The following SEPTIN7 variants were observed in gnomAD, a reference collection of about 807,000 sequenced individuals.
The protein encoded by SEPTIN7 is septin-7.
Under a neutral mutation model 63.3 loss-of-function variants are expected in SEPTIN7, and 10 were observed. The observed-to-expected ratio is 0.16, with a 90% CI of 0.10 to 0.27. SEPTIN7 has a LOEUF of 0.27. Among genes scored for constraint, SEPTIN7 ranks in the 10% least tolerant of loss-of-function variants. The pLI is 1.00. For synonymous variants in SEPTIN7, 131 were observed against 165.3 expected (o/e 0.79, Z 1.59); for missense variants, 310 against 521.0 (o/e 0.59, Z 3.94).
Position 35,904,221 on chromosome 7 carries a change from A to G in SEPTIN7, c.1275-33A>G, listed in dbSNP as rs774427943. On this transcript the variant is annotated intron_variant, in intron 13 of 13. Coordinates refer to ENST00000350320, the MANE Select transcript of SEPTIN7 (RefSeq NM_001788.6). ...TGTCTATCATGTTTATAAAATGGTT[A>G]CTCATCTTGCTTATTTTCCTTTTAT... 6.7e-6 allele frequency: 10 copies of G among 1,490,052 alleles called. No individual in the cohort carries two copies. In the Admixed American group the frequency reaches 1.1e-4, roughly 17 times the overall value. The allele number at this position is 1,490,052 out of a possible 1,614,324, so 92.3% of individuals were successfully genotyped here. A position where few individuals can be genotyped will look rare whatever the true frequency, so the allele number is the denominator to read the frequency against.
rs1786719522 is a variant in SEPTIN7 at position 35,879,831 on chromosome 7, C to T, written c.521C>T (p.Pro174Leu). The T allele has an allele frequency of 1.3e-6, 2 of 1,563,556 alleles. No individual in the cohort carries two copies. Among genetic ancestry groups the T allele is most frequent in the East Asian group, 2.3e-5 (1 of 43,768 alleles). ...FIAPSGHGLK[P>L]LDIEFMKRLH... ...AATACTGTGTATTTCAGACTTAAAC[C>T]ATTGGATATTGAGTTTATGAAGCGT... Residue 174 changes from proline to leucine, a missense_variant, in exon 7 of 14, where the codon CCA becomes CTA. By Grantham distance (98) the Pro-to-Leu change is moderately conservative (BLOSUM62 -3). This residue lies in a region of SEPTIN7 where 255 missense variants were observed against 490.5 expected (regional missense o/e 0.52). Coordinates refer to ENST00000350320, the MANE Select transcript of SEPTIN7 (RefSeq NM_001788.6).
At chr7:35,895,152 A>G (rs1787884549) in intron 11 of SEPTIN7, among the ~76,000 whole-genome samples, 1 of 152,188 alleles carries the variant, frequency 6.6e-6, no homozygotes, top group South Asian at 2.1e-4. Flanking sequence ...CAGGCAGGCA[A>G]TAATACAACT....
At chr7:35,809,432 A>G (rs548944606) in intron 1 of SEPTIN7, among the ~76,000 whole-genome samples, 27 of 152,304 alleles carry the variant, frequency 1.8e-4, no homozygotes, top group Middle Eastern at 3.4e-3. Context: ...AAGTTATCAG[A>G]CTATATTGCA....
Position 35,904,398 on chromosome 7 carries a change from TGATG to T in SEPTIN7, c.*109_*112del. 1 of 877,442 alleles carries T rather than the reference TGATG, an allele frequency of 1.1e-6. No homozygotes were observed. Among genetic ancestry groups the T allele is most frequent in the South Asian group, 2.2e-5 (1 of 45,706 alleles). 54.4% of individuals were successfully genotyped at this position (877,442 alleles called of 1,614,324 possible). A position where few individuals can be genotyped will look rare whatever the true frequency, so the allele number is the denominator to read the frequency against. On this transcript the variant is annotated 3_prime_UTR_variant, in exon 14 of 14. Transcript: ENST00000350320. Reference sequence around the variant, plus strand: ...CAATTTGCACCAGTTTTATCCATAATGATGGATTTAACAGCATGACAAAAATTAT... The same window carrying T: ...CAATTTGCACCAGTTTTATCCATAATGATTTAACAGCATGACAAAAATTAT...
chr7:35,806,708 A>G (rs1173448840), intron 1 of SEPTIN7, among the ~76,000 whole-genome samples: 1 of 152,214 alleles, frequency 6.6e-6, no homozygotes, highest in Non-Finnish European at 1.5e-5. Flanking sequence ...TGCCCCAGGT[A>G]ACCACTGATA....
chr7:35,824,831 A>G (rs1783417734), intron 1 of SEPTIN7, among the ~76,000 whole-genome samples: 1 of 152,204 alleles, frequency 6.6e-6, no homozygotes. Context: ...TGTAATTGGG[A>G]TATCTAAAAT....
intron 5 of SEPTIN7, 27 bp downstream of exon 5, chr7:35,872,793 T>A (rs1425915384): frequency 6.7e-7 from 1 of 1,489,442 alleles, no homozygotes; most frequent in Admixed American, 1.7e-5. Context: ...CTCACAACTT[T>A]GCAGTGCATT....
chr7:35,895,452 ACAGTATCTT>A (rs1787902712), intron 11 of SEPTIN7, among the ~76,000 whole-genome samples: 1 of 152,350 alleles, frequency 6.6e-6, no homozygotes, highest in African/African-American at 2.4e-5. Flanking sequence ...TAAAAAACTT[ACAGTATCTT>A]AACTGTTAAA....
chr7:35,908,788 G>T (rs547828052), downstream of SEPTIN7, among the ~76,000 whole-genome samples: 89 of 152,318 alleles, frequency 5.8e-4, 1 homozygote, highest in African/African-American at 2.1e-3. Context: ...CACGTAAGTA[G>T]AGCACAGATT....
chr7:35,833,930 G>A (rs9648424), intron 3 of SEPTIN7, among the ~76,000 whole-genome samples: 49,399 of 151,650 alleles, frequency 0.33, 8,272 homozygotes, highest in East Asian at 0.4. Flanking sequence ...TGTATACATC[G>A]TCAGAGTTCA....
chr7:35,896,634 A>G (rs1253037912), intron 11 of SEPTIN7, among the ~76,000 whole-genome samples: 1 of 152,204 alleles, frequency 6.6e-6, no homozygotes, highest in Non-Finnish European at 1.5e-5. Flanking sequence ...ACAAAAAAAG[A>G]TGATATTTAC....
intron 11 of SEPTIN7, among the ~76,000 whole-genome samples, chr7:35,894,884 A>C (rs917331106): frequency 8.5e-5 from 13 of 152,182 alleles, no homozygotes; most frequent in Admixed American, 2.0e-4. Context: ...GGTCATCCTT[A>C]TGTGGCATGG....
At chr7:35,876,767 A>C (rs1008005167) in intron 6 of SEPTIN7, among the ~76,000 whole-genome samples, 29 of 152,158 alleles carry the variant, frequency 1.9e-4, no homozygotes, top group African/African-American at 6.7e-4. Flanking sequence ...TCAGGAGTTC[A>C]AGACCAGCCT....
chr7:35,840,467 G>A (rs561452233), intron 3 of SEPTIN7, among the ~76,000 whole-genome samples: 18 of 151,486 alleles, frequency 1.2e-4, no homozygotes, highest in African/African-American at 4.4e-4. Context: ...TTGTAGAGAT[G>A]GGGTCTCACT....
chr7:35,801,393 C>G, intron 1 of SEPTIN7, 123 bp downstream of exon 1: 1 of 1,270,718 alleles, frequency 7.9e-7, no homozygotes, highest in South Asian at 1.5e-5. Context: ...GCGAGGGGAG[C>G]CGGGATGGGG....
intron 4 of SEPTIN7, among the ~76,000 whole-genome samples, chr7:35,870,556 A>G (rs1436321784): frequency 6.6e-6 from 1 of 152,214 alleles, no homozygotes; most frequent in Non-Finnish European, 1.5e-5. Flanking sequence ...CACAGTTACC[A>G]TGAATAAATG....
chr7:35,806,255 G>T (rs191501105), intron 1 of SEPTIN7, among the ~76,000 whole-genome samples: 1 of 152,248 alleles, frequency 6.6e-6, no homozygotes, highest in East Asian at 1.9e-4. Context: ...AATATTCTTA[G>T]TATTTCCTAA....
chr7:35,814,982 A>AG (rs1788960405), intron 1 of SEPTIN7, among the ~76,000 whole-genome samples: 1 of 150,762 alleles, frequency 6.6e-6, no homozygotes, highest in South Asian at 2.1e-4. Flanking sequence ...CTCAAAAAAA[A>AG]AAAAAAAAAA....
chr7:35,873,542 C>G (rs1194613648), intron 5 of SEPTIN7, 99 bp from the exon 6 acceptor site: 2 of 1,132,546 alleles, frequency 1.8e-6, no homozygotes, highest in African/African-American at 3.2e-5. Flanking sequence ...CTGGTAAATT[C>G]ATTTTGCCCA....
Sources: allele counts gnomAD v4.1 joint callset (sites outside exome capture counted in the v4.1 genomes callset), GRCh38; gene constraint gnomAD v4.1.1; regional missense constraint gnomAD v4.1.1; transcripts MANE v1.5; gene names NCBI Gene and HGNC (gene_info 2026-07-23, HGNC 2026-07-21).